TENM1: variants seen among roughly 807,000 people sequenced by gnomAD.
The protein encoded by TENM1 is teneurin-1.
A neutral mutation model predicts 174.8 loss-of-function variants in TENM1; 35 were observed. The ratio of observed to expected loss-of-function variants is 0.20; its 90% CI spans 0.15 to 0.27. The LOEUF (loss-of-function observed/expected upper bound fraction) is 0.27, where lower values mean the gene tolerates loss of function less well. Ranked by LOEUF, TENM1 falls within the 10% of genes least tolerant of loss-of-function variation. The pLI is 1.00. For synonymous variants in TENM1, 781 were observed against 798.7 expected, an observed-to-expected ratio of 0.98 and a Z score of 0.37; for missense variants, 1,633 against 2,130.1, an observed-to-expected ratio of 0.77 and a Z score of 4.59.
At chrX:124,805,623 G>C (rs2055574632) in intron 3 of TENM1, among the ~76,000 whole-genome samples, 1 of 112,371 alleles carries the variant, frequency 8.9e-6, no homozygotes, top group Non-Finnish European at 1.9e-5. Context: ...CTGGATAAAT[G>C]TCAGTGGCAA....
At chrX:125,139,614 G>T in the TENM1 span, among the ~76,000 whole-genome samples, 1 of 110,682 alleles carries the variant, frequency 9.0e-6, no homozygotes, top group African/African-American at 3.3e-5. Flanking sequence ...AACCTTTTTA[G>T]GCTGTTTACA....
chrX:124,741,540 A>T (rs1285964009), intron 3 of TENM1, among the ~76,000 whole-genome samples: 1 of 112,167 alleles, frequency 8.9e-6, no homozygotes, highest in Non-Finnish European at 1.9e-5. Flanking sequence ...CGCATTAAAA[A>T]AAAAGGAACC....
intron 6 of TENM1, among the ~76,000 whole-genome samples, chrX:124,662,234 C>A (rs1353224678): frequency 1.8e-5 from 2 of 110,214 alleles, no homozygotes; most frequent in Non-Finnish European, 3.8e-5. Context: ...ACGGGCGGAT[C>A]ACAAGGTCAG....
At chrX:125,099,388 T>A in the TENM1 span, among the ~76,000 whole-genome samples, 1 of 112,562 alleles carries the variant, frequency 8.9e-6, no homozygotes, top group East Asian at 2.8e-4. Flanking sequence ...TTCTTACGTA[T>A]GAAACCATTC....
intron 1 of TENM1, among the ~76,000 whole-genome samples, chrX:124,954,411 G>T (rs755831543): frequency 9.0e-6 from 1 of 111,564 alleles, no homozygotes; most frequent in East Asian, 2.8e-4. Context: ...TCCAATACTG[G>T]GTTCCAGACT....
At chrX:124,420,406 T>A in exon 25 of TENM1, 1 of 1,212,252 alleles carries the variant, frequency 8.2e-7, no homozygotes, top group East Asian at 3.0e-5. Context: ...AGCCTTGGGC[T>A]GACACTCTTT....
chrX:124,629,429 A>G, intron 11 of TENM1, among the ~76,000 whole-genome samples: 1 of 112,368 alleles, frequency 8.9e-6, no homozygotes, highest in Non-Finnish European at 1.9e-5. Flanking sequence ...CTTGAGATTT[A>G]TCATCTACTA....
At chrX:124,692,334 C>T (rs185837678) in intron 5 of TENM1, among the ~76,000 whole-genome samples, 37 of 111,255 alleles carry the variant, frequency 3.3e-4, no homozygotes, top group African/African-American at 1.1e-3. Context: ...CTATCAGGTA[C>T]TATGCTTATT....
chrX:124,658,316 T>C (rs2051501264), intron 6 of TENM1, among the ~76,000 whole-genome samples: 2 of 111,828 alleles, frequency 1.8e-5, no homozygotes, highest in African/African-American at 6.5e-5. Context: ...CCAAAAGTAG[T>C]CAAGAGAAAA....
chrX:124,384,945 C>CT, intron 29 of TENM1, 91 bp from the exon 33 acceptor site: 3 of 816,062 alleles, frequency 3.7e-6, no homozygotes, highest in Non-Finnish European at 5.1e-6. Context: ...AGTACTGGTG[C>CT]TTTTATATTC....
chrX:124,792,929 A>C (rs1002230694), intron 3 of TENM1, among the ~76,000 whole-genome samples: 1 of 112,203 alleles, frequency 8.9e-6, no homozygotes, highest in Non-Finnish European at 1.9e-5. Context: ...ATTTCTAAAC[A>C]TGGGCCCTAA....
At chrX:125,154,603 T>C in the TENM1 span, among the ~76,000 whole-genome samples, 347 of 111,746 alleles carry the variant, frequency 3.1e-3, 3 homozygotes, top group African/African-American at 0.011. Context: ...ACGTAGTGTG[T>C]CCGGAATTGG....
intron 3 of TENM1, among the ~76,000 whole-genome samples, chrX:124,738,413 C>T (rs546172301): frequency 2.7e-5 from 3 of 111,589 alleles, no homozygotes; most frequent in Non-Finnish European, 3.8e-5. Context: ...TTTTTAAAAA[C>T]GATATTAGCC....
At chrX:124,861,329 A>G (rs1309939916) in intron 3 of TENM1, among the ~76,000 whole-genome samples, 1 of 111,059 alleles carries the variant, frequency 9.0e-6, no homozygotes, top group Non-Finnish European at 1.9e-5. Flanking sequence ...CATTGTTTTG[A>G]CTGCAAATAA....
the TENM1 span, among the ~76,000 whole-genome samples, chrX:125,093,498 GA>G: frequency 3.6e-5 from 4 of 111,972 alleles, no homozygotes; most frequent in African/African-American, 1.3e-4. Flanking sequence ...AAATAGCAAA[GA>G]GAGTCATTTC....
chrX:125,147,684 C>T, the TENM1 span, among the ~76,000 whole-genome samples: 66 of 111,163 alleles, frequency 5.9e-4, no homozygotes, highest in East Asian at 7.4e-3. Flanking sequence ...GGTCCCTACG[C>T]GGCTTACCTG....
intron 3 of TENM1, among the ~76,000 whole-genome samples, chrX:124,773,141 T>C (rs1326226953): frequency 1.8e-5 from 2 of 111,913 alleles, no homozygotes; most frequent in Non-Finnish European, 3.8e-5. Context: ...AGTGATACAA[T>C]GGCAAGCTTG....
chrX:125,030,441 T>C, the TENM1 span, among the ~76,000 whole-genome samples: 2 of 112,402 alleles, frequency 1.8e-5, no homozygotes, highest in African/African-American at 6.5e-5. Context: ...CATTTTTTTC[T>C]AGGTGTAAAC....
intron 11 of TENM1, among the ~76,000 whole-genome samples, chrX:124,610,540 T>C (rs1242606748): frequency 1.8e-5 from 2 of 111,422 alleles, no homozygotes; most frequent in Non-Finnish European, 3.8e-5. Context: ...CAATAAGTAT[T>C]GTACTTCTTC....
Sources: gnomAD v4.1 joint callset for allele counts (sites outside exome capture counted in the v4.1 genomes callset) on GRCh38, gnomAD v4.1.1 for gene constraint, MANE v1.5 for transcripts, NCBI Gene and HGNC (gene_info 2026-07-23, HGNC 2026-07-21) for gene names.